SND1: variants seen among roughly 807,000 people sequenced by gnomAD.
SND1 encodes staphylococcal nuclease domain-containing protein 1.
A neutral mutation model predicts 121.7 loss-of-function variants in SND1; 38 were observed. The observed-to-expected ratio is 0.31, with a 90% CI of 0.24 to 0.41. The LOEUF is 0.41. Ranked by LOEUF, SND1 falls within the 10% of genes least tolerant of loss-of-function variation. The pLI, the probability that SND1 is intolerant of heterozygous loss-of-function variation, is 1.00. For synonymous variants in SND1, 401 were observed against 447.4 expected, an observed-to-expected ratio of 0.90 and a Z score of 1.31; for missense variants, 868 against 1,184.6, an observed-to-expected ratio of 0.73 and a Z score of 3.92.
At chr7:127,867,141 G>A (rs62481422) in intron 12 of SND1, among the ~76,000 whole-genome samples, 165 of 152,034 alleles carry the variant, frequency 1.1e-3, no homozygotes, top group African/African-American at 3.1e-3. Flanking sequence ...ATTCTGTCCC[G>A]TTTGCTATTC....
At chr7:127,739,665 C>T (rs1279875160) in intron 10 of SND1, among the ~76,000 whole-genome samples, 2 of 152,214 alleles carry the variant, frequency 1.3e-5, no homozygotes, top group Non-Finnish European at 2.9e-5. Flanking sequence ...AGCATCCTGA[C>T]TCCTGATTCC....
intron 10 of SND1, among the ~76,000 whole-genome samples, chr7:127,777,336 T>C (rs1797638702): frequency 6.6e-6 from 1 of 152,250 alleles, no homozygotes; most frequent in South Asian, 2.1e-4. Flanking sequence ...TGCAAAATAT[T>C]GTCTTGGAGT....
At chr7:127,913,444 A>G (rs910216415) in intron 14 of SND1, among the ~76,000 whole-genome samples, 2 of 152,208 alleles carry the variant, frequency 1.3e-5, no homozygotes, top group African/African-American at 4.8e-5. Context: ...AAATTGAGGG[A>G]GTTAGGAACA....
At chr7:128,091,916 C>T (rs1429926400) in intron 23 of SND1, 35 bp downstream of exon 23, 17 of 1,613,836 alleles carry the variant, frequency 1.1e-5, no homozygotes, top group Non-Finnish European at 1.3e-5. Context: ...CAGAGGGTAC[C>T]GAGTTGAGGG....
intron 16 of SND1, among the ~76,000 whole-genome samples, chr7:128,055,304 G>C (rs1292659808): frequency 6.6e-6 from 1 of 152,176 alleles, no homozygotes; most frequent in Non-Finnish European, 1.5e-5. Context: ...TGTCATCTCA[G>C]TGTGGCTGAT....
intron 13 of SND1, among the ~76,000 whole-genome samples, chr7:127,898,224 C>A (rs1800157404): frequency 1.3e-5 from 2 of 152,034 alleles, no homozygotes; most frequent in South Asian, 4.1e-4. Context: ...GAGATGATGA[C>A]CTAGAGTTCT....
At chr7:127,661,740 A>G (rs1308031773) in intron 1 of SND1, among the ~76,000 whole-genome samples, 1 of 152,104 alleles carries the variant, frequency 6.6e-6, no homozygotes, top group Non-Finnish European at 1.5e-5. Flanking sequence ...GATGTCATCC[A>G]GTGTTAGTAA....
intron 14 of SND1, among the ~76,000 whole-genome samples, chr7:127,925,251 GCAA>G (rs1441636872): frequency 6.6e-6 from 1 of 152,182 alleles, no homozygotes; most frequent in Non-Finnish European, 1.5e-5. Flanking sequence ...AACTACCAGT[GCAA>G]CAACAACAAA....
At chr7:127,949,409 A>C (rs1324799494) in intron 15 of SND1, among the ~76,000 whole-genome samples, 2 of 152,242 alleles carry the variant, frequency 1.3e-5, no homozygotes, top group African/African-American at 2.4e-5. Context: ...CTGGATTTTT[A>C]TCTCTTAATG....
At chr7:128,072,431 T>G (rs1793428770) in intron 16 of SND1, among the ~76,000 whole-genome samples, 1 of 152,172 alleles carries the variant, frequency 6.6e-6, no homozygotes, top group Non-Finnish European at 1.5e-5. Context: ...CTGGGCTCAG[T>G]GTTGGCTGGG....
At chr7:127,687,366 G>A (rs1009111677) in intron 2 of SND1, among the ~76,000 whole-genome samples, 1 of 152,038 alleles carries the variant, frequency 6.6e-6, no homozygotes, top group African/African-American at 2.4e-5. Context: ...TTTGTTACAC[G>A]GGTATATTGT....
Position 127,796,797 on chromosome 7 carries a change from G to T in SND1, c.1153-10687G>T, listed in dbSNP as rs1466883020. Among the ~76,000 whole-genome samples, 4 of 151,322 alleles carry T rather than the reference G, an allele frequency of 2.6e-5. No individual in the cohort carries two copies. The East Asian group carries it at 5.8e-4, about 22-fold the overall frequency. On this transcript the variant is annotated intron_variant, in intron 10 of 23. Transcript: ENST00000354725. ...GACTTGCCTTAATTCGTACTAATTAGCCCATTTCTGATTTTTACAGTTTTG... is the reference window on the plus strand; with the variant it reads ...GACTTGCCTTAATTCGTACTAATTATCCCATTTCTGATTTTTACAGTTTTG...
intron 14 of SND1, among the ~76,000 whole-genome samples, chr7:127,912,119 A>G (rs1001089535): frequency 7.2e-5 from 11 of 152,150 alleles, no homozygotes; most frequent in Admixed American, 7.2e-4. Context: ...CTGGCTGTCT[A>G]TAGTTTCTTT....
At chr7:127,787,732 G>A (rs1291859580) in intron 10 of SND1, among the ~76,000 whole-genome samples, 2 of 152,128 alleles carry the variant, frequency 1.3e-5, no homozygotes, top group East Asian at 3.8e-4. Context: ...AGGCCTAAAA[G>A]ACGTAAGACA....
At chr7:127,689,580 C>T (rs529087373) in intron 2 of SND1, among the ~76,000 whole-genome samples, 1 of 152,276 alleles carries the variant, frequency 6.6e-6, no homozygotes, top group Admixed American at 6.5e-5. Flanking sequence ...TGAAATCTTA[C>T]CAGAACTATC....
intron 18 of SND1, among the ~76,000 whole-genome samples, chr7:128,082,994 AC>A (rs1793631597): frequency 6.6e-6 from 1 of 152,140 alleles, no homozygotes; most frequent in African/African-American, 2.4e-5. Flanking sequence ...CTGGCAGGCC[AC>A]CTGGGGATTT....
At chr7:127,952,054 T>TA (rs1244354234) in intron 15 of SND1, among the ~76,000 whole-genome samples, 3 of 152,160 alleles carry the variant, frequency 2.0e-5, no homozygotes, top group Non-Finnish European at 4.4e-5. Context: ...CACCCTTACT[T>TA]ATTTCCTATT....
chr7:127,787,429 G>T (rs572416703), intron 10 of SND1, among the ~76,000 whole-genome samples: 2 of 152,238 alleles, frequency 1.3e-5, no homozygotes, highest in Non-Finnish European at 2.9e-5. Flanking sequence ...TAAAGTCAAG[G>T]TCTCACTATG....
chr7:127,923,560 A>G (rs186688311), intron 14 of SND1, among the ~76,000 whole-genome samples: 1 of 152,274 alleles, frequency 6.6e-6, no homozygotes, highest in African/African-American at 2.4e-5. Context: ...ATTTCAAGAG[A>G]TGATCATGCT....
Sources: gnomAD v4.1 joint callset for allele counts (sites outside exome capture counted in the v4.1 genomes callset) on GRCh38, gnomAD v4.1.1 for gene constraint, MANE v1.5 for transcripts, NCBI Gene and HGNC (gene_info 2026-07-23, HGNC 2026-07-21) for gene names.